The following OTOF variants were observed in gnomAD, a reference collection of about 807,000 sequenced individuals.
OTOF encodes fer-1-like family member 2.
In OTOF, 218 loss-of-function variants were observed where a neutral mutation model predicts 236.8. The observed-to-expected ratio is 0.92, with a 90% CI of 0.82 to 1.03. OTOF has a LOEUF of 1.03. Ranked by LOEUF, OTOF falls within the 50% of genes least tolerant of loss-of-function variation. The pLI, the probability that OTOF is intolerant of heterozygous loss-of-function variation, is 0.00. For missense variants in OTOF, 2,590 were observed against 2,694.4 expected (o/e 0.96, Z 0.86); for synonymous variants, 1,041 against 1,072.5 (o/e 0.97, Z 0.57).
Position 26,476,413 on chromosome 2 carries a change from G to A in OTOF, c.2677-96C>T, listed in dbSNP as rs2148048617. Reference sequence around the variant, plus strand: ...GCCGGCAGAGGCCCTGGTCAGAGCTGCCCTGCCCCTTCACAGCCATCCCGC... The same window carrying A: ...GCCGGCAGAGGCCCTGGTCAGAGCTACCCTGCCCCTTCACAGCCATCCCGC... On this transcript the variant is annotated intron_variant, in intron 22 of 46. Transcript: ENST00000272371. 7.5e-6 allele frequency: 9 copies of A among 1,194,598 alleles called. No individual in the cohort carries two copies. The South Asian group carries it at 1.0e-4, about 14-fold the overall frequency. The allele number at this position is 1,194,598 out of a possible 1,614,324, so 74.0% of individuals were successfully genotyped here. A position where few individuals can be genotyped will look rare whatever the true frequency, so the allele number is the denominator to read the frequency against.
At chr2:26,480,639 T>C in intron 15 of OTOF, 147 bp downstream of exon 15, 1 of 709,584 alleles carries the variant, frequency 1.4e-6, no homozygotes, top group South Asian at 1.6e-5. Context: ...AGTGGGGGCC[T>C]CTGCTTCCTG....
Position 26,465,995 on chromosome 2 carries a change from C to T in OTOF, c.4582G>A (p.Asp1528Asn), listed in dbSNP as rs138151478. 459 of 1,614,224 alleles carry T rather than the reference C, an allele frequency of 2.8e-4. 2 individuals carry two copies. In the African/African-American group the frequency reaches 5.5e-3, roughly 19 times the overall value. Reference sequence around the variant, plus strand: ...TGCTTGGAGATGTAGTTCTCCTTGTCGCGGATGTCAGTCTTGCCTAGCCGG... The same window carrying T: ...TGCTTGGAGATGTAGTTCTCCTTGTTGCGGATGTCAGTCTTGCCTAGCCGG... ...AIRLGKTDIR[D>N]KENYISKQLN... is the part of the protein sequence containing the mutation. The change falls in exon 37 of 47, where the codon GAC (aspartate) becomes AAC (asparagine). Residue 1528 changes from aspartate to asparagine, a missense_variant. Asp to Asn is a conservative substitution (Grantham distance 23). Transcript: ENST00000272371.
intron 33 of OTOF, among the ~76,000 whole-genome samples, chr2:26,467,760 G>C (rs1002576296): frequency 6.6e-6 from 1 of 152,154 alleles, no homozygotes; most frequent in Non-Finnish European, 1.5e-5. Context: ...ATGGGTTTGG[G>C]GGTGGAGGCC....
chr2:26,526,106 A>AG (rs1304474820), intron 3 of OTOF, among the ~76,000 whole-genome samples: 1 of 132,868 alleles, frequency 7.5e-6, no homozygotes, highest in Non-Finnish European at 1.6e-5. Flanking sequence ...AAAAAAAAAA[A>AG]GGAAAAGAAA....
At chr2:26,549,566 G>C (rs574718721) in intron 1 of OTOF, among the ~76,000 whole-genome samples, 21 of 152,252 alleles carry the variant, frequency 1.4e-4, no homozygotes, top group African/African-American at 3.9e-4. Context: ...AGGCCCCATG[G>C]AACTCTAACC....
Position 26,477,208 on chromosome 2 carries a change from C to T in OTOF, c.2487G>A (p.Gln829=). Residue 829 remains glutamine (Q), a synonymous_variant, in exon 21 of 47, where the codon CAG becomes CAA. Transcript: ENST00000272371. This position sits in a 1 kb window ranked among gnomAD's most constrained non-coding sequence, Gnocchi z 4.7. ...GGAAGCGCAGCTTCTGCAGGAAGTTCTGGCACAGCCTCAGCTTGTCCCGCA... is the reference window on the plus strand; with the variant it reads ...GGAAGCGCAGCTTCTGCAGGAAGTTTTGGCACAGCCTCAGCTTGTCCCGCA... The part of the protein sequence containing the change: ...HTVRDKLRLC[Q]NFLQKLRFLA... The T allele has an allele frequency of 6.2e-7, 1 of 1,610,810 alleles. No homozygotes were observed. Among genetic ancestry groups the T allele is most frequent in the Non-Finnish European group, 8.5e-7 (1 of 1,179,618 alleles).
At position 26,473,786 on chromosome 2, in the gene OTOF, G is replaced by A. The variant is rs1409418206; in HGVS notation, c.3408+205C>T. Among the ~76,000 whole-genome samples, 1 of 152,142 alleles carries A rather than the reference G, an allele frequency of 6.6e-6. No homozygotes were observed. The highest frequency in any genetic ancestry group is 1.5e-5 in the Non-Finnish European group (1 of 68,018). On this transcript the variant is annotated intron_variant, in intron 27 of 46. Coordinates refer to ENST00000272371, the MANE Select transcript of OTOF (RefSeq NM_194248.3). This position sits in a 1 kb window ranked among gnomAD's most constrained non-coding sequence, Gnocchi z 7.2. The stretch of plus-strand genomic sequence containing the variant: ...GCCCGGAGAAGGGGTGCAGGGTCAG[G>A]GGTGCAGACAGGAGGGCTGGGCATG...
chr2:26,532,843 G>T (rs909011646), intron 2 of OTOF, among the ~76,000 whole-genome samples: 3 of 152,186 alleles, frequency 2.0e-5, no homozygotes, highest in Admixed American at 2.0e-4. Flanking sequence ...CTTGGAGAAT[G>T]ATCTGGATTA....
chr2:26,489,871 G>A (rs977818061), intron 9 of OTOF, 131 bp from the exon 10 acceptor site: 1 of 740,854 alleles, frequency 1.3e-6, no homozygotes, highest in South Asian at 1.5e-5. Context: ...AAGTTCAGAG[G>A]AGCAGCAGAG....
intron 2 of OTOF, among the ~76,000 whole-genome samples, 195 bp from the exon 3 acceptor site, chr2:26,528,115 T>C (rs902333291): frequency 2.6e-5 from 4 of 152,174 alleles, no homozygotes; most frequent in African/African-American, 4.8e-5. Flanking sequence ...GCCGGCATTG[T>C]TGCCCACTCC....
Position 26,529,789 on chromosome 2 carries a change from G to C in OTOF, c.139-1869C>G, listed in dbSNP as rs571361586. 1.9e-3 allele frequency among the ~76,000 whole-genome samples: 282 copies of C among 152,226 alleles called. 2 individuals are homozygous for C. Among genetic ancestry groups the C allele is most frequent in the African/African-American group, 4.9e-3 (202 of 41,524 alleles). The stretch of plus-strand genomic sequence containing the variant: ...AGGAAGAAGCAGAGGAGCGGGAGAG[G>C]GGTCTGCGGGGTGGGGTGGGGAGGG... On this transcript the variant is annotated intron_variant, in intron 2 of 46. Transcript: ENST00000272371.
At position 26,471,132 on chromosome 2, in the gene OTOF, T is replaced by G. The variant is rs1465239468; in HGVS notation, c.3883A>C (p.Lys1295Gln). The change falls in exon 31 of 47, where the codon AAG becomes CAG. Residue 1295 changes from lysine (K) to glutamine (Q), a missense_variant. Physicochemically the swap from Lys to Gln is moderately conservative, Grantham distance 53 (BLOSUM62 1). Coordinates refer to ENST00000272371, the MANE Select transcript of OTOF (RefSeq NM_194248.3). ...GCCCCCACACTCACCACATCCACCTTGACAACAGCTTCAGAAGTCTGCAGA... is the reference window on the plus strand; with the variant it reads ...GCCCCCACACTCACCACATCCACCTGGACAACAGCTTCAGAAGTCTGCAGA... Reference protein sequence around the residue: ...KLDATSEAVVKVDVAEEEKEK... With the variant: ...KLDATSEAVVQVDVAEEEKEK... The G allele has an allele frequency of 1.2e-6, 2 of 1,613,904 alleles. No homozygotes were observed. Among genetic ancestry groups the G allele is most frequent in the Admixed American group, 3.3e-5 (2 of 60,002 alleles).
chr2:26,509,501 C>A (rs115564282), intron 5 of OTOF, among the ~76,000 whole-genome samples: 3 of 152,152 alleles, frequency 2.0e-5, no homozygotes, highest in South Asian at 2.1e-4. Context: ...GTAACAAATG[C>A]GAGTTAGAAC....
Position 26,477,399 on chromosome 2 carries a change from T to A in OTOF, c.2406+17A>T. ...CAGGCCCTCCCTCCAGCCCCCGCCG[T>A]CCAGTTGCGTCCTCACCAGCTCCCT... is the stretch of plus-strand genomic sequence containing the variant. On this transcript the variant is annotated intron_variant, in intron 20 of 46. Transcript: ENST00000272371. The surrounding 1 kb of genome is among the most constrained non-coding windows in gnomAD (Gnocchi z 4.7). 6.4e-7 allele frequency: 1 copy of A among 1,574,434 alleles called. No homozygotes were observed. The highest frequency in any genetic ancestry group is 8.6e-7 in the Non-Finnish European group (1 of 1,160,000).
intron 12 of OTOF, 74 bp from the exon 13 acceptor site, chr2:26,483,722 C>T (rs984984540): frequency 7.4e-7 from 1 of 1,344,996 alleles, no homozygotes; most frequent in Non-Finnish European, 1.0e-6. Context: ...TCTACACACT[C>T]CTGGGTCCTG....
Position 26,480,993 on chromosome 2 carries a change from C to T in OTOF, c.1596G>A (p.Leu532=). The T allele has an allele frequency of 6.2e-7, 1 of 1,612,920 alleles. No individual in the cohort carries two copies. The highest frequency in any genetic ancestry group is 8.5e-7 in the Non-Finnish European group (1 of 1,179,944). Reference sequence around the variant, plus strand: ...CGTACATGTTCACCCAGGCTGGGCCCAGTGTGGGCAGGAAGCCTGTGGCAG... The same window carrying T: ...CGTACATGTTCACCCAGGCTGGGCCTAGTGTGGGCAGGAAGCCTGTGGCAG... ...NDGDKGFLPT[L]GPAWVNMYGS... is the part of the protein sequence containing the mutation. Residue 532 remains leucine, a synonymous_variant, in exon 15 of 47, where the codon CTG becomes CTA. Coordinates refer to ENST00000272371, the MANE Select transcript of OTOF (RefSeq NM_194248.3).
chr2:26,463,916 C>A (rs1302773561), intron 40 of OTOF, 48 bp downstream of exon 40: 1 of 1,609,210 alleles, frequency 6.2e-7, no homozygotes, highest in Non-Finnish European at 8.5e-7. Context: ...TTGGGGATCC[C>A]TGGTCCCCAA....
chr2:26,497,054 C>T (rs1351038897), intron 8 of OTOF, among the ~76,000 whole-genome samples: 1 of 150,334 alleles, frequency 6.7e-6, no homozygotes, highest in Admixed American at 6.6e-5. Context: ...AAGCCTTTCC[C>T]CAGCTAGAAT....
Position 26,558,697 on chromosome 2 carries a change from A to G in OTOF, c.-126T>C. ...TCCTCCTCCTCCCGACCCCCCTCCG[A>G]TGCTGCCCACAGAGACCAAGGCAAC... is the stretch of plus-strand genomic sequence containing the variant. On this transcript the variant is annotated 5_prime_UTR_variant, in exon 1 of 47. Transcript: ENST00000272371. The G allele has an allele frequency of 1.2e-6, 1 of 811,010 alleles. No homozygotes were observed. The highest frequency in any genetic ancestry group is 1.5e-5 in the South Asian group (1 of 68,550). 50.2% of individuals were successfully genotyped at this position (811,010 alleles called of 1,614,324 possible).
Sources: allele counts gnomAD v4.1 joint callset (sites outside exome capture counted in the v4.1 genomes callset), GRCh38; gene constraint gnomAD v4.1.1; non-coding constraint Gnocchi (gnomAD v3.1); transcripts MANE v1.5; gene names NCBI Gene and HGNC (gene_info 2026-07-23, HGNC 2026-07-21).